The following CACNA1D variants were observed in gnomAD, a reference collection of about 807,000 sequenced individuals.
CACNA1D encodes the protein calcium voltage-gated channel subunit alpha1 D.
In CACNA1D, 55 loss-of-function variants were observed where a neutral mutation model predicts 257.1. That is an observed-to-expected ratio of 0.21 (90% CI 0.17 to 0.27). CACNA1D has a LOEUF of 0.27. Ranked by LOEUF, CACNA1D falls within the 10% of genes least tolerant of loss-of-function variation. The probability of loss-of-function intolerance (pLI) is 1.00; values close to 1 mark genes in which losing one functional copy is unlikely to be tolerated. For synonymous variants in CACNA1D, 980 were observed against 1,014.9 expected (o/e 0.97, Z 0.65); for missense variants, 1,876 against 2,784.0 (o/e 0.67, Z 7.34).
At chr3:53,520,573 C>T (rs2107335813) in intron 3 of CACNA1D, among the ~76,000 whole-genome samples, 1 of 152,318 alleles carries the variant, frequency 6.6e-6, no homozygotes, top group East Asian at 1.9e-4. Context: ...CGAGACCAGC[C>T]TGGCCAGCAT....
intron 3 of CACNA1D, among the ~76,000 whole-genome samples, chr3:53,523,386 G>A (rs891147451): frequency 2.0e-5 from 3 of 152,224 alleles, no homozygotes; most frequent in Non-Finnish European, 4.4e-5. Flanking sequence ...CCACATCTTA[G>A]TGATGGGAGA....
intron 35 of CACNA1D, 74 bp downstream of exon 35, chr3:53,776,119 T>C: frequency 7.4e-7 from 1 of 1,347,692 alleles, no homozygotes; most frequent in Non-Finnish European, 1.1e-6. Context: ...ACAAATGGCC[T>C]TGCCCTGTCC....
intron 3 of CACNA1D, among the ~76,000 whole-genome samples, chr3:53,648,829 A>AAAACAC (rs1553622565): frequency 1.4e-5 from 2 of 146,752 alleles, no homozygotes; most frequent in African/African-American, 5.0e-5. Context: ...TAACTCTCAA[A>AAAACAC]ACACACACAC....
chr3:53,737,754 C>T (rs1033854849), intron 20 of CACNA1D, among the ~76,000 whole-genome samples: 1 of 152,178 alleles, frequency 6.6e-6, no homozygotes, highest in African/African-American at 2.4e-5. Context: ...ACCCAGGAGG[C>T]GGAGGTTGCA....
chr3:53,552,133 C>G (rs144566659), intron 3 of CACNA1D, among the ~76,000 whole-genome samples: 1,547 of 152,296 alleles, frequency 0.01, 38 homozygotes, highest in African/African-American at 0.035. Context: ...TGGGGTATCT[C>G]TGGTCTCTGC....
rs946931937 is a variant in CACNA1D at position 53,751,950 on chromosome 3, G to A, written c.3675+43G>A. On this transcript the variant is annotated intron_variant, in intron 28 of 47. Coordinates refer to ENST00000350061, the MANE Select transcript of CACNA1D (RefSeq NM_001128840.3). The surrounding 1 kb of genome is among the most constrained non-coding windows in gnomAD (Gnocchi z 4.3). ...CGTGGGGATCAGGTCCGGGCATTCCGCACAGCCCCGTGCCCCAAATGCTGA... is the reference window on the plus strand; with the variant it reads ...CGTGGGGATCAGGTCCGGGCATTCCACACAGCCCCGTGCCCCAAATGCTGA... The A allele has an allele frequency of 1.4e-5, 22 of 1,589,500 alleles. No homozygotes were observed. The highest frequency in any genetic ancestry group is 4.5e-5 in the East Asian group (2 of 44,778).
At chr3:53,734,504 G>A (rs1286957980) in intron 19 of CACNA1D, among the ~76,000 whole-genome samples, 1 of 151,944 alleles carries the variant, frequency 6.6e-6, no homozygotes, top group Non-Finnish European at 1.5e-5. Flanking sequence ...ACATACATGT[G>A]TATATGTATA....
intron 3 of CACNA1D, among the ~76,000 whole-genome samples, chr3:53,543,732 G>A (rs1018753050): frequency 6.6e-6 from 1 of 152,150 alleles, no homozygotes. Flanking sequence ...TATTTTACAG[G>A]TGAGGAAACT....
intron 45 of CACNA1D, chr3:53,808,079 G>A (rs560304236): frequency 2.4e-4 from 38 of 161,526 alleles, no homozygotes; most frequent in Admixed American, 1.3e-3. Context: ...AGTATGCAGC[G>A]CCAGGGCTTC....
At chr3:53,632,381 G>A (rs2093831303) in intron 3 of CACNA1D, among the ~76,000 whole-genome samples, 1 of 152,236 alleles carries the variant, frequency 6.6e-6, no homozygotes, top group Non-Finnish European at 1.5e-5. Flanking sequence ...CTCTGGATTA[G>A]ACTTTGGCAC....
intron 3 of CACNA1D, among the ~76,000 whole-genome samples, chr3:53,565,563 A>G (rs181814139): frequency 2.0e-5 from 3 of 152,316 alleles, no homozygotes; most frequent in Admixed American, 1.3e-4. Context: ...GGAAAGGAAA[A>G]TCAGTCTGGT....
chr3:53,549,855 T>C (rs923126921), intron 3 of CACNA1D, among the ~76,000 whole-genome samples: 8 of 152,222 alleles, frequency 5.3e-5, no homozygotes, highest in Non-Finnish European at 1.5e-5. Context: ...GATGTTCTTA[T>C]ACTGCCTGTT....
At chr3:53,696,945 G>GTAGTC (rs3082709) in intron 8 of CACNA1D, among the ~76,000 whole-genome samples, 1 of 33,938 alleles carries the variant, frequency 2.9e-5, no homozygotes, top group Non-Finnish European at 5.0e-5. Flanking sequence ...GGTCTGCAGC[G>GTAGTC]ACCTGGAGCA....
Position 53,558,383 on chromosome 3 carries a change from G to A in CACNA1D, c.483+56663G>A, listed in dbSNP as rs568901822. On this transcript the variant is annotated intron_variant, in intron 3 of 47. Coordinates refer to ENST00000350061, the MANE Select transcript of CACNA1D (RefSeq NM_001128840.3). ...TCACCAGTTAAGCCATATGGGTTTG[G>A]CCTTTTCTTTGTGAGAAGTTTTTTG... Among the ~76,000 whole-genome samples, 22 of 152,168 alleles carry A rather than the reference G, an allele frequency of 1.4e-4. No individual in the cohort carries two copies. The East Asian group carries it at 2.5e-3, about 17-fold the overall frequency.
intron 3 of CACNA1D, among the ~76,000 whole-genome samples, chr3:53,619,604 T>C (rs1480307950): frequency 2.0e-5 from 3 of 152,212 alleles, no homozygotes; most frequent in African/African-American, 4.8e-5. Flanking sequence ...CTTGTGGCTC[T>C]AAGGTGAATG....
intron 9 of CACNA1D, among the ~76,000 whole-genome samples, chr3:53,707,866 G>A (rs150527772): frequency 6.6e-6 from 1 of 152,174 alleles, no homozygotes; most frequent in African/African-American, 2.4e-5. Context: ...AGAAAAGCAG[G>A]GCAATTTTAT....
intron 3 of CACNA1D, among the ~76,000 whole-genome samples, chr3:53,551,658 G>A (rs141938227): frequency 2.0e-5 from 3 of 152,320 alleles, no homozygotes; most frequent in East Asian, 1.9e-4. Context: ...AAATCTCATG[G>A]CTCTTTGCCA....
chr3:53,678,591 T>G (rs1464888964), intron 8 of CACNA1D, among the ~76,000 whole-genome samples: 2 of 152,192 alleles, frequency 1.3e-5, no homozygotes. Context: ...GTTTATGTTT[T>G]TGAATCTCGC....
chr3:53,779,729 T>C (rs2095416284), intron 37 of CACNA1D, among the ~76,000 whole-genome samples: 1 of 152,068 alleles, frequency 6.6e-6, no homozygotes, highest in Non-Finnish European at 1.5e-5. Flanking sequence ...CCCACCCACA[T>C]TGGGGAGGGC....
Sources: gnomAD v4.1 joint callset for allele counts (sites outside exome capture counted in the v4.1 genomes callset) on GRCh38, gnomAD v4.1.1 for gene constraint, Gnocchi (gnomAD v3.1) non-coding constraint, MANE v1.5 for transcripts, NCBI Gene and HGNC (gene_info 2026-07-23, HGNC 2026-07-21) for gene names.